Variants in MCCC1 observed in about 807,000 individuals in gnomAD.
MCCC1 encodes methylcrotonyl-CoA carboxylase subunit 1, also known as methylcrotonoyl-CoA carboxylase subunit alpha, mitochondrial.
MCCC1 carries 64 observed loss-of-function variants against 83.8 expected under a neutral mutation model. That is an observed-to-expected ratio of 0.76 (90% confidence interval 0.62 to 0.94). The LOEUF is 0.94. MCCC1 is among the 40% of genes least tolerant of loss of function. The pLI is 0.00. For missense variants in MCCC1, 807 were observed against 904.7 expected (o/e 0.89, Z 1.39); for synonymous variants, 322 against 315.4 (o/e 1.02, Z -0.22).
chr3:183,034,215 C>T (rs971348452), intron 13 of MCCC1, 138 bp from the exon 14 acceptor site: 2 of 633,860 alleles, frequency 3.2e-6, no homozygotes, highest in African/African-American at 1.8e-5. Flanking sequence ...CTTTGGGAGG[C>T]CAAGGCGGGC....
intron 14 of MCCC1, among the ~76,000 whole-genome samples, chr3:183,031,024 T>A (rs4859264): frequency 6.6e-6 from 1 of 152,112 alleles, no homozygotes; most frequent in African/African-American, 2.4e-5. Flanking sequence ...TTGTCACATA[T>A]AAGAGGACCT....
At chr3:183,096,153 T>C (rs1451295292) in intron 1 of MCCC1, among the ~76,000 whole-genome samples, 2 of 152,004 alleles carry the variant, frequency 1.3e-5, no homozygotes, top group African/African-American at 4.8e-5. Flanking sequence ...CTGGCCAACA[T>C]GGTGAAACCC....
At chr3:183,087,206 A>G (rs1257705796) in intron 3 of MCCC1, among the ~76,000 whole-genome samples, 1 of 152,252 alleles carries the variant, frequency 6.6e-6, no homozygotes, top group Non-Finnish European at 1.5e-5. Context: ...TAAAGTTTAT[A>G]TAATTATCAG....
chr3:183,040,098 GAAAAAAAAA>G (rs57389038), intron 11 of MCCC1, among the ~76,000 whole-genome samples: 3 of 34,594 alleles, frequency 8.7e-5, no homozygotes, highest in South Asian at 2.2e-3. Flanking sequence ...CTCCATCTCA[GAAAAAAAAA>G]AAAAAAAAAA....
At chr3:183,037,140 G>C in intron 13 of MCCC1, 78 bp downstream of exon 13, 1 of 1,342,858 alleles carries the variant, frequency 7.4e-7, no homozygotes. Flanking sequence ...AGGTCAGTGT[G>C]CCATACAGAA....
exon 1 of MCCC1, chr3:183,115,935 G>A (rs572944775): frequency 1.3e-5 from 2 of 152,360 alleles, no homozygotes; most frequent in South Asian, 4.1e-4. Flanking sequence ...CCACGGAGTG[G>A]GCACAGATTT....
rs139451365 is a variant in MCCC1 at position 183,056,826 on chromosome 3, C to T, written c.873+485G>A. On this transcript the variant is annotated intron_variant, in intron 8 of 18. Transcript: ENST00000265594. ...CTCCTGCCTCAGCCTACCCAAGTAG[C>T]TGGGATTATAGGCATGCGCCACCAA... Among the ~76,000 whole-genome samples, 12 of 152,292 alleles carry T rather than the reference C, an allele frequency of 7.9e-5. No homozygotes were observed. In the East Asian group the frequency reaches 2.3e-3, roughly 29 times the overall value.
chr3:183,093,704 T>C (rs1366466613), intron 2 of MCCC1, among the ~76,000 whole-genome samples: 4 of 152,272 alleles, frequency 2.6e-5, no homozygotes, highest in East Asian at 3.9e-4. Flanking sequence ...TGTTTTTCGA[T>C]GGGGCTCTAT....
At chr3:183,053,060 GA>G (rs1715111517) in intron 8 of MCCC1, among the ~76,000 whole-genome samples, 1 of 152,100 alleles carries the variant, frequency 6.6e-6, no homozygotes, top group Admixed American at 6.5e-5. Context: ...TATTGACCCT[GA>G]AAACTTTTAT....
rs903778770 is a variant in MCCC1 at position 183,038,989 on chromosome 3, C to T, written c.1377+37G>A. ...AGGCTGACCTCTGGTGCTGACCAAA[C>T]ACATCAAGGTCACTGGCACGGTCTC... On this transcript the variant is annotated intron_variant, in intron 12 of 18. Transcript: ENST00000265594. 2.5e-6 allele frequency: 4 copies of T among 1,572,160 alleles called. No homozygotes were observed. In the Admixed American group the frequency reaches 6.7e-5, roughly 26 times the overall value.
intron 18 of MCCC1, 61 bp downstream of exon 18, chr3:183,017,205 G>T: frequency 4.2e-6 from 6 of 1,419,730 alleles, no homozygotes; most frequent in Non-Finnish European, 6.0e-6. Flanking sequence ...TAAGGCAAAA[G>T]AACCATTAGG....
chr3:183,057,201 A>C (rs1482155481), intron 8 of MCCC1, 110 bp downstream of exon 8: 1 of 874,536 alleles, frequency 1.1e-6, no homozygotes, highest in Non-Finnish European at 1.9e-6. Context: ...ACAGTTGTCC[A>C]GCAGGAGTTT....
intron 14 of MCCC1, among the ~76,000 whole-genome samples, chr3:183,030,558 C>T (rs1712977647): frequency 6.6e-6 from 1 of 152,172 alleles, no homozygotes; most frequent in Admixed American, 6.6e-5. Flanking sequence ...CTATGATTCT[C>T]TCCTCATCCT....
intron 4 of MCCC1, among the ~76,000 whole-genome samples, chr3:183,077,539 G>T (rs912625019): frequency 5.3e-5 from 8 of 151,932 alleles, no homozygotes; most frequent in Non-Finnish European, 7.4e-5. Flanking sequence ...TAACTTCTTT[G>T]GTGAAGGATC....
chr3:183,020,575 G>A (rs1416247710), intron 16 of MCCC1, among the ~76,000 whole-genome samples: 1 of 152,002 alleles, frequency 6.6e-6, no homozygotes, highest in Non-Finnish European at 1.5e-5. Context: ...AGGCTGCAGT[G>A]AGCTAAGACT....
intron 14 of MCCC1, among the ~76,000 whole-genome samples, chr3:183,030,144 C>T (rs1196265366): frequency 6.6e-6 from 1 of 152,092 alleles, no homozygotes; most frequent in Non-Finnish European, 1.5e-5. Context: ...CCCATCTCTA[C>T]TAAAAACACA....
chr3:183,027,716 G>A (rs373974155), intron 14 of MCCC1, among the ~76,000 whole-genome samples: 1 of 152,158 alleles, frequency 6.6e-6, no homozygotes, highest in Non-Finnish European at 1.5e-5. Flanking sequence ...AAGTTTTAGT[G>A]GTCTGGATAG....
At chr3:183,017,051 T>C in intron 18 of MCCC1, 1 of 579,868 alleles carries the variant, frequency 1.7e-6, no homozygotes, top group Non-Finnish European at 3.1e-6. Context: ...TTTCATTAAT[T>C]TCAGAATCAG....
chr3:183,094,691 A>T, intron 1 of MCCC1, 86 bp from the exon 2 acceptor site: 1 of 1,389,816 alleles, frequency 7.2e-7, no homozygotes, highest in Non-Finnish European at 1.0e-6. Flanking sequence ...TTCTTAAAAC[A>T]TGAAACCTTA....
Sources: allele counts gnomAD v4.1 joint callset (sites outside exome capture counted in the v4.1 genomes callset), GRCh38; gene constraint gnomAD v4.1.1; transcripts MANE v1.5; gene names NCBI Gene and HGNC (gene_info 2026-07-23, HGNC 2026-07-21).